Variants in DGKB observed in about 807,000 individuals in gnomAD.
DGKB encodes diacylglycerol kinase beta, also known as 90 kDa diacylglycerol kinase.
In DGKB, 67 loss-of-function variants were observed where a neutral mutation model predicts 114.3. The ratio of observed to expected loss-of-function variants is 0.59; its 90% CI spans 0.48 to 0.72. DGKB has a LOEUF of 0.72. Ranked by LOEUF, DGKB falls within the 30% of genes least tolerant of loss-of-function variation. DGKB has a pLI of 0.00. For synonymous variants in DGKB, 398 were observed against 323.1 expected (o/e 1.23, Z -2.49); for missense variants, 907 against 975.2 (o/e 0.93, Z 0.93).
intron 2 of DGKB, among the ~76,000 whole-genome samples, chr7:14,772,113 A>G (rs2128473393): frequency 6.6e-6 from 1 of 152,220 alleles, no homozygotes; most frequent in South Asian, 2.1e-4. Flanking sequence ...AATGTATTTG[A>G]TTGATGTCTC....
intron 1 of DGKB, among the ~76,000 whole-genome samples, chr7:14,896,318 G>A (rs1443376504): frequency 1.3e-5 from 2 of 151,690 alleles, no homozygotes; most frequent in African/African-American, 4.8e-5. Flanking sequence ...CATGCCAGAT[G>A]TTCTTCTGGG....
At chr7:14,305,655 C>T (rs925704824) in intron 23 of DGKB, among the ~76,000 whole-genome samples, 1 of 152,106 alleles carries the variant, frequency 6.6e-6, no homozygotes, top group Non-Finnish European at 1.5e-5. Flanking sequence ...TGCTACTGGC[C>T]TCAGGGTTGA....
At chr7:14,659,036 C>T (rs904333697) in intron 13 of DGKB, among the ~76,000 whole-genome samples, 1 of 152,030 alleles carries the variant, frequency 6.6e-6, no homozygotes, top group African/African-American at 2.4e-5. Flanking sequence ...GCCCCACATG[C>T]ATTAGGTATT....
At chr7:14,462,912 G>C (rs1034648928) in intron 21 of DGKB, among the ~76,000 whole-genome samples, 10 of 152,178 alleles carry the variant, frequency 6.6e-5, no homozygotes, top group Admixed American at 2.0e-4. Context: ...CAATGGAACA[G>C]AACATAGGCC....
intron 20 of DGKB, among the ~76,000 whole-genome samples, chr7:14,523,500 T>G (rs959495656): frequency 6.6e-6 from 1 of 152,160 alleles, no homozygotes; most frequent in Non-Finnish European, 1.5e-5. Context: ...CAGTATAGTC[T>G]TCCATACAGT....
At chr7:14,854,070 C>CAA (rs1230290113) in intron 1 of DGKB, among the ~76,000 whole-genome samples, 1 of 151,988 alleles carries the variant, frequency 6.6e-6, no homozygotes, top group African/African-American at 2.4e-5. Flanking sequence ...ATACTGTTTC[C>CAA]AAAAGTCTAT....
At chr7:14,221,046 T>C (rs1789856095) in intron 23 of DGKB, among the ~76,000 whole-genome samples, 1 of 151,430 alleles carries the variant, frequency 6.6e-6, no homozygotes, top group Non-Finnish European at 1.5e-5. Flanking sequence ...AACTCATTGA[T>C]TAGTTCTAAT....
chr7:14,389,100 T>A (rs10486037), intron 21 of DGKB, among the ~76,000 whole-genome samples: 12,369 of 152,242 alleles, frequency 0.081, 753 homozygotes, highest in East Asian at 0.23. Flanking sequence ...ATCACTGATT[T>A]AAGAGTTGAT....
intron 13 of DGKB, among the ~76,000 whole-genome samples, chr7:14,651,434 G>A (rs1814467256): frequency 6.8e-6 from 1 of 147,104 alleles, no homozygotes; most frequent in Non-Finnish European, 1.5e-5. Context: ...AAAGGCCTTT[G>A]ACAAAATTCA....
At chr7:14,913,386 T>G (rs1784088340) in intron 1 of DGKB, among the ~76,000 whole-genome samples, 1 of 151,324 alleles carries the variant, frequency 6.6e-6, no homozygotes, top group African/African-American at 2.4e-5. Flanking sequence ...ATGCTCCTGT[T>G]GCTCTCACTA....
chr7:14,261,156 T>A (rs1796716061), intron 23 of DGKB, among the ~76,000 whole-genome samples: 1 of 152,100 alleles, frequency 6.6e-6, no homozygotes, highest in Admixed American at 6.5e-5. Context: ...TGCAGGCAAT[T>A]GTTTTCAGTC....
intron 22 of DGKB, among the ~76,000 whole-genome samples, chr7:14,339,306 G>A (rs1013823579): frequency 2.6e-5 from 4 of 151,934 alleles, no homozygotes; most frequent in Admixed American, 1.3e-4. Context: ...GAAGTCCTAA[G>A]GAGATGTCAA....
At chr7:14,245,831 G>A (rs542103379) in intron 23 of DGKB, among the ~76,000 whole-genome samples, 326 of 152,206 alleles carry the variant, frequency 2.1e-3, no homozygotes, top group Admixed American at 4.1e-3. Context: ...GAGAGGTTGA[G>A]GCAGGAGAAT....
intron 1 of DGKB, among the ~76,000 whole-genome samples, chr7:14,930,474 G>A (rs367928605): frequency 2.6e-4 from 39 of 152,120 alleles, no homozygotes; most frequent in African/African-American, 9.2e-4. Context: ...TATAGCTATT[G>A]TAAATGGGAT....
intron 1 of DGKB, among the ~76,000 whole-genome samples, chr7:14,897,851 A>G (rs892593840): frequency 1.3e-5 from 2 of 151,946 alleles, no homozygotes; most frequent in African/African-American, 4.8e-5. Context: ...AAGGCAAAAT[A>G]TTGTGGAAGT....
intron 19 of DGKB, among the ~76,000 whole-genome samples, chr7:14,576,279 C>T (rs1332160531): frequency 3.3e-5 from 5 of 151,916 alleles, no homozygotes; most frequent in Non-Finnish European, 4.4e-5. Context: ...TGCAAGATTA[C>T]AATAATTATA....
intron 23 of DGKB, among the ~76,000 whole-genome samples, chr7:14,333,438 G>T (rs1166806620): frequency 1.4e-5 from 2 of 147,586 alleles, no homozygotes; most frequent in African/African-American, 5.1e-5. Context: ...TCCAGCCTGG[G>T]CAACAGAGTG....
intron 1 of DGKB, among the ~76,000 whole-genome samples, chr7:14,929,022 T>TACACACACACAC (rs3036022): frequency 1.7e-4 from 25 of 146,852 alleles, no homozygotes; most frequent in Non-Finnish European, 2.9e-4. Flanking sequence ...GCATTGTGTA[T>TACACACACACAC]ACACACACAC....
intron 21 of DGKB, among the ~76,000 whole-genome samples, chr7:14,403,754 C>T (rs1402955277): frequency 1.3e-5 from 2 of 151,868 alleles, no homozygotes; most frequent in African/African-American, 4.8e-5. Context: ...CACTAGCTTG[C>T]TTTTTTCAAA....
Sources: allele counts gnomAD v4.1 joint callset (sites outside exome capture counted in the v4.1 genomes callset), GRCh38; gene constraint gnomAD v4.1.1; transcripts MANE v1.5; gene names NCBI Gene and HGNC (gene_info 2026-07-23, HGNC 2026-07-21).